Variants in FOXP2 observed in about 807,000 individuals in gnomAD.
The protein encoded by FOXP2 is forkhead box protein P2.
Under a neutral mutation model 115.8 loss-of-function variants are expected in FOXP2, and 12 were observed. The observed-to-expected ratio is 0.10, with a 90% CI of 0.07 to 0.17. FOXP2 has a LOEUF of 0.17. Among genes scored for constraint, FOXP2 ranks in the 10% least tolerant of loss-of-function variants. The pLI, the probability that FOXP2 is intolerant of heterozygous loss-of-function variation, is 1.00. For synonymous variants in FOXP2, 328 were observed against 297.7 expected, an observed-to-expected ratio of 1.10 and a Z score of -1.05; for missense variants, 629 against 843.5, an observed-to-expected ratio of 0.75 and a Z score of 3.15.
At chr7:114,428,084 G>T (rs1266682148) in intron 2 of FOXP2, among the ~76,000 whole-genome samples, 1 of 151,520 alleles carries the variant, frequency 6.6e-6, no homozygotes, top group Non-Finnish European at 1.5e-5. Context: ...CACACCAGTG[G>T]AATGCTACAA....
At chr7:114,495,213 G>C (rs1797252226) in intron 2 of FOXP2, among the ~76,000 whole-genome samples, 1 of 152,148 alleles carries the variant, frequency 6.6e-6, no homozygotes. Flanking sequence ...GTCAGCATGT[G>C]GGTCCAGAGG....
At chr7:114,667,041 CTG>C (rs1352797827) in intron 16 of FOXP2, 3 of 152,136 alleles carry the variant, frequency 2.0e-5, no homozygotes, top group African/African-American at 7.2e-5. Flanking sequence ...TTAAGGCACT[CTG>C]TAAGTTTGTG....
intron 2 of FOXP2, among the ~76,000 whole-genome samples, chr7:114,467,015 C>G (rs988995125): frequency 4.6e-5 from 7 of 152,186 alleles, no homozygotes; most frequent in Non-Finnish European, 7.3e-5. Context: ...CTAGGATCAG[C>G]AAGTATGCTC....
chr7:114,624,325 CCTTT>C (rs1444258290), intron 3 of FOXP2, among the ~76,000 whole-genome samples: 1 of 151,842 alleles, frequency 6.6e-6, no homozygotes, highest in African/African-American at 2.4e-5. Flanking sequence ...GTCAGGACTT[CCTTT>C]GTCTTCAAAT....
intron 2 of FOXP2, among the ~76,000 whole-genome samples, chr7:114,324,151 A>G (rs539485496): frequency 2.6e-5 from 4 of 151,844 alleles, no homozygotes; most frequent in African/African-American, 7.2e-5. Flanking sequence ...AAATCCTCCT[A>G]TTCTCCCAGT....
chr7:114,288,525 A>C (rs1239415965), intron 2 of FOXP2, among the ~76,000 whole-genome samples: 1 of 151,782 alleles, frequency 6.6e-6, no homozygotes, highest in East Asian at 1.9e-4. Flanking sequence ...GGGGATCTGA[A>C]ATATTGAGGA....
intron 3 of FOXP2, chr7:114,570,669 A>G (rs1801252518): frequency 8.6e-6 from 6 of 696,180 alleles, no homozygotes; most frequent in African/African-American, 1.8e-5. Flanking sequence ...TGAGACAATG[A>G]TGGAATATTC....
intron 6 of FOXP2, among the ~76,000 whole-genome samples, chr7:114,632,025 T>C (rs967432987): frequency 1.3e-5 from 2 of 152,292 alleles, no homozygotes; most frequent in Admixed American, 6.5e-5. Flanking sequence ...CTGCAGGGAA[T>C]TGGATTACCG....
At chr7:114,349,994 T>C (rs1791442341) in intron 2 of FOXP2, among the ~76,000 whole-genome samples, 1 of 152,044 alleles carries the variant, frequency 6.6e-6, no homozygotes, top group Non-Finnish European at 1.5e-5. Context: ...AATACAAAGA[T>C]AAAATAGCTT....
At chr7:114,343,212 A>T (rs2129184591) in intron 2 of FOXP2, among the ~76,000 whole-genome samples, 1 of 151,756 alleles carries the variant, frequency 6.6e-6, no homozygotes, top group African/African-American at 2.4e-5. Context: ...TACCCTCCCT[A>T]CATCTTCTAC....
At chr7:114,656,958 T>G (rs1238365650) in intron 10 of FOXP2, among the ~76,000 whole-genome samples, 4 of 152,162 alleles carry the variant, frequency 2.6e-5, no homozygotes, top group Non-Finnish European at 2.9e-5. Context: ...AAGCTGAATA[T>G]TCTCTATTTA....
At position 114,254,769 on chromosome 7, in the gene FOXP2, G is replaced by A. The variant is rs146833504; in HGVS notation, c.-101-33250G>A. Among the ~76,000 whole-genome samples, 870 of 152,084 alleles carry A rather than the reference G, an allele frequency of 5.7e-3. 6 individuals carry two copies. The Middle Eastern group carries it at 0.088, about 15-fold the overall frequency. ...TCCTTTAGCTCAGAGAAGTTTGATC[G>A]TCTGAAGCCTTCTTCTCTCAACTCG... On this transcript the variant is annotated intron_variant, in intron 1 of 17. Coordinates refer to the FOXP2 transcript ENST00000634411.
intron 2 of FOXP2, among the ~76,000 whole-genome samples, chr7:114,340,803 G>A (rs1334839966): frequency 2.0e-5 from 3 of 151,224 alleles, no homozygotes; most frequent in Non-Finnish European, 3.0e-5. Flanking sequence ...CTTCTAGAGT[G>A]TTAACTTATT....
At chr7:114,517,499 G>A (rs1798404033) in intron 2 of FOXP2, among the ~76,000 whole-genome samples, 1 of 152,160 alleles carries the variant, frequency 6.6e-6, no homozygotes, top group Non-Finnish European at 1.5e-5. Flanking sequence ...TATGGTGTGA[G>A]ATGAGGGTTC....
intron 2 of FOXP2, among the ~76,000 whole-genome samples, chr7:114,396,864 G>A (rs934531055): frequency 1.3e-5 from 2 of 152,046 alleles, no homozygotes; most frequent in Non-Finnish European, 2.9e-5. Flanking sequence ...TGATAACGAT[G>A]TGAGGTAATG....
intron 1 of FOXP2, among the ~76,000 whole-genome samples, chr7:114,096,711 T>C (rs997050734): frequency 2.0e-5 from 3 of 152,204 alleles, no homozygotes; most frequent in African/African-American, 7.2e-5. Context: ...ATAAGGTTTG[T>C]TATTTTAAAA....
chr7:114,303,097 A>G (rs1285966508), intron 2 of FOXP2, among the ~76,000 whole-genome samples: 1 of 152,200 alleles, frequency 6.6e-6, no homozygotes, highest in South Asian at 2.1e-4. Flanking sequence ...TGCATGTTCC[A>G]TTATGCATCA....
chr7:114,654,088 T>C (rs762307006), intron 10 of FOXP2, 79 bp downstream of exon 10: 1 of 1,606,838 alleles, frequency 6.2e-7, no homozygotes, highest in African/African-American at 1.3e-5. Context: ...TTAGTGACAG[T>C]TAGAAAACAA....
intron 2 of FOXP2, chr7:114,499,467 C>T (rs1420251758): frequency 1.3e-5 from 2 of 152,196 alleles, no homozygotes; most frequent in East Asian, 1.9e-4. Flanking sequence ...GTGTTTGCTA[C>T]CTAAGATCCC....
Sources: gnomAD v4.1 joint callset for allele counts (sites outside exome capture counted in the v4.1 genomes callset) on GRCh38, gnomAD v4.1.1 for gene constraint, MANE v1.5 for transcripts, NCBI Gene and HGNC (gene_info 2026-07-23, HGNC 2026-07-21) for gene names.